The following NEGR1 variants were observed in gnomAD, a reference collection of about 807,000 sequenced individuals.
The protein encoded by NEGR1 is neuronal growth regulator 1, also known as IgLON family member 4.
Under a neutral mutation model 40.9 loss-of-function variants are expected in NEGR1, and 10 were observed. The observed-to-expected ratio is 0.24, with a 90% confidence interval of 0.15 to 0.42. The LOEUF is 0.42. Among genes scored for constraint, NEGR1 ranks in the 10% least tolerant of loss-of-function variants. The probability of loss-of-function intolerance (pLI) is 1.00; values close to 1 mark genes in which losing one functional copy is unlikely to be tolerated. For missense variants in NEGR1, 352 were observed against 438.9 expected (o/e 0.80, Z 1.77); for synonymous variants, 185 against 166.8 (o/e 1.11, Z -0.84).
At chr1:71,627,968 G>C (rs1387060599) in intron 4 of NEGR1, among the ~76,000 whole-genome samples, 1 of 152,040 alleles carries the variant, frequency 6.6e-6, no homozygotes, top group African/African-American at 2.4e-5. Context: ...CACAGACCAA[G>C]AGTCTGGAAA....
intron 4 of NEGR1, among the ~76,000 whole-genome samples, chr1:71,666,320 C>T (rs1038021640): frequency 2.0e-5 from 3 of 152,076 alleles, no homozygotes; most frequent in African/African-American, 4.8e-5. Context: ...GGGTCTCAAA[C>T]GAAAATAATT....
intron 1 of NEGR1, among the ~76,000 whole-genome samples, chr1:72,111,085 T>TACACAC (rs72146902): frequency 1.6e-5 from 2 of 128,436 alleles, no homozygotes; most frequent in African/African-American, 3.4e-5. Context: ...TATATATATA[T>TACACAC]ACACACACAC....
At chr1:71,485,240 A>G (rs1646880623) in intron 6 of NEGR1, among the ~76,000 whole-genome samples, 1 of 150,770 alleles carries the variant, frequency 6.6e-6, no homozygotes, top group Admixed American at 6.6e-5. Flanking sequence ...TTTTTATCAT[A>G]AAACTTTATT....
chr1:71,453,090 C>T (rs1282072894), intron 6 of NEGR1, among the ~76,000 whole-genome samples: 1 of 152,244 alleles, frequency 6.6e-6, no homozygotes, highest in Non-Finnish European at 1.5e-5. Context: ...ATCTTTCATG[C>T]TCCAAGCGTC....
intron 2 of NEGR1, among the ~76,000 whole-genome samples, chr1:71,901,260 A>G (rs1661135991): frequency 1.3e-5 from 2 of 152,218 alleles, no homozygotes; most frequent in Admixed American, 1.3e-4. Context: ...TTAACCTAAG[A>G]GCCTGCCATA....
intron 1 of NEGR1, among the ~76,000 whole-genome samples, chr1:72,251,906 C>A (rs1418593942): frequency 6.6e-6 from 1 of 152,232 alleles, no homozygotes; most frequent in Admixed American, 6.5e-5. Flanking sequence ...CTCAGAAAAA[C>A]CACTGATCAG....
intron 6 of NEGR1, among the ~76,000 whole-genome samples, chr1:71,589,447 T>C (rs142423290): frequency 6.6e-6 from 1 of 152,280 alleles, no homozygotes; most frequent in Non-Finnish European, 1.5e-5. Flanking sequence ...ACTTTAAATC[T>C]ATGTCTCCAT....
intron 6 of NEGR1, among the ~76,000 whole-genome samples, chr1:71,494,315 T>G (rs1358834853): frequency 1.3e-5 from 2 of 152,180 alleles, no homozygotes; most frequent in Non-Finnish European, 2.9e-5. Flanking sequence ...CACTATGTGA[T>G]TAAGCCCCAG....
chr1:71,759,121 T>C (rs1053170008), intron 3 of NEGR1, among the ~76,000 whole-genome samples: 5 of 152,106 alleles, frequency 3.3e-5, no homozygotes, highest in African/African-American at 1.2e-4. Context: ...AATGTAAGTA[T>C]TAGATGGACT....
intron 2 of NEGR1, among the ~76,000 whole-genome samples, chr1:71,825,681 A>G (rs1658594501): frequency 1.3e-5 from 2 of 151,890 alleles, no homozygotes; most frequent in South Asian, 4.1e-4. Context: ...AATTGAGAGG[A>G]ATTACAATAC....
chr1:71,921,725 T>C (rs1645722357), intron 2 of NEGR1, among the ~76,000 whole-genome samples: 2 of 144,918 alleles, frequency 1.4e-5, no homozygotes. Flanking sequence ...TATATATATA[T>C]ATATATATAG....
chr1:71,472,236 C>T (rs12407555), intron 6 of NEGR1, among the ~76,000 whole-genome samples: 9,376 of 152,086 alleles, frequency 0.062, 289 homozygotes, highest in African/African-American at 0.08. Flanking sequence ...CATAATGGAA[C>T]GGTATTGATT....
intron 1 of NEGR1, among the ~76,000 whole-genome samples, chr1:72,046,573 C>A (rs1163817240): frequency 6.6e-6 from 1 of 151,536 alleles, no homozygotes; most frequent in Non-Finnish European, 1.5e-5. Flanking sequence ...CAAGATTCAA[C>A]TTGGCAGCAA....
intron 6 of NEGR1, among the ~76,000 whole-genome samples, chr1:71,532,769 G>C (rs1275056169): frequency 6.6e-6 from 1 of 151,524 alleles, no homozygotes; most frequent in Non-Finnish European, 1.5e-5. Flanking sequence ...CAAGCATGCG[G>C]CCCATAATCA....
At chr1:71,948,505 G>C (rs1646041312) in intron 1 of NEGR1, among the ~76,000 whole-genome samples, 1 of 151,736 alleles carries the variant, frequency 6.6e-6, no homozygotes, top group Non-Finnish European at 1.5e-5. Context: ...GTGAGAGAGA[G>C]AGAGAGAGAG....
chr1:71,570,147 A>G (rs1030034321), intron 6 of NEGR1, among the ~76,000 whole-genome samples: 1 of 152,228 alleles, frequency 6.6e-6, no homozygotes, highest in Admixed American at 6.5e-5. Flanking sequence ...AGGGGAGTCC[A>G]TGATTTAAAA....
At chr1:71,754,264 C>T (rs542646763) in intron 3 of NEGR1, among the ~76,000 whole-genome samples, 4 of 152,232 alleles carry the variant, frequency 2.6e-5, no homozygotes, top group Non-Finnish European at 5.9e-5. Context: ...CACTGAAGAC[C>T]TCTACATCGT....
chr1:71,791,853 G>A (rs1436403090), intron 2 of NEGR1, among the ~76,000 whole-genome samples: 1 of 152,104 alleles, frequency 6.6e-6, no homozygotes, highest in Non-Finnish European at 1.5e-5. Context: ...GATTTGATGA[G>A]AAGAAATTTG....
chr1:71,443,261 C>G (rs1400436950), intron 6 of NEGR1, among the ~76,000 whole-genome samples: 1 of 152,074 alleles, frequency 6.6e-6, no homozygotes. Context: ...CTTTAAGTGC[C>G]TTTATAAGTC....
Sources: gnomAD v4.1 joint callset for allele counts (sites outside exome capture counted in the v4.1 genomes callset) on GRCh38, gnomAD v4.1.1 for gene constraint, MANE v1.5 for transcripts, NCBI Gene and HGNC (gene_info 2026-07-23, HGNC 2026-07-21) for gene names.